Variants in GALNT17 observed in about 807,000 individuals in gnomAD.
GALNT17 encodes the protein UDP-GalNAc:polypeptide N-acetylgalactosaminyltransferase-like 3.
Under a neutral mutation model 63.7 loss-of-function variants are expected in GALNT17, and 29 were observed. That is an observed-to-expected ratio of 0.46 (90% CI 0.34 to 0.62). The LOEUF (loss-of-function observed/expected upper bound fraction) is 0.62. GALNT17 is among the 20% of genes least tolerant of loss of function. GALNT17 has a pLI of 0.01. For missense variants in GALNT17, 603 were observed against 799.6 expected, an observed-to-expected ratio of 0.75 and a Z score of 2.97; for synonymous variants, 305 against 318.3, an observed-to-expected ratio of 0.96 and a Z score of 0.45.
chr7:71,424,585 T>G (rs1020113660), intron 5 of GALNT17, among the ~76,000 whole-genome samples: 4 of 152,260 alleles, frequency 2.6e-5, no homozygotes, highest in Non-Finnish European at 5.9e-5. Context: ...GTCATTAATG[T>G]GACATGCATC....
chr7:71,360,921 G>C (rs1792388333), intron 2 of GALNT17, among the ~76,000 whole-genome samples: 1 of 152,190 alleles, frequency 6.6e-6, no homozygotes, highest in African/African-American at 2.4e-5. Flanking sequence ...GTGGGTGACA[G>C]AACAAGACGC....
intron 5 of GALNT17, among the ~76,000 whole-genome samples, chr7:71,529,380 G>A (rs182523069): frequency 1.9e-4 from 29 of 152,154 alleles, no homozygotes; most frequent in African/African-American, 5.8e-4. Context: ...AGAAAATTTG[G>A]CCCGATGGGC....
intron 2 of GALNT17, among the ~76,000 whole-genome samples, chr7:71,368,108 G>A (rs1463960207): frequency 6.6e-6 from 1 of 152,252 alleles, no homozygotes; most frequent in East Asian, 1.9e-4. Context: ...GGGGAGGATT[G>A]TGATCTGGGG....
intron 5 of GALNT17, among the ~76,000 whole-genome samples, chr7:71,570,680 C>T (rs1725735592): frequency 6.6e-6 from 1 of 152,070 alleles, no homozygotes. Flanking sequence ...GCTTTTGAAG[C>T]TAAAAGACAG....
Position 71,710,849 on chromosome 7 carries a change from A to T in GALNT17, c.1589A>T (p.Asn530Ile), listed in dbSNP as rs764378408. Residue 530 changes from asparagine (N) to isoleucine (I), a missense_variant, in exon 10 of 11, where the codon AAC (asparagine) becomes ATC (isoleucine). Around this residue, in one of 3 missense-constraint regions of GALNT17, gnomAD observed 336 missense variants for 507.8 expected, o/e 0.66. Coordinates refer to ENST00000333538, the MANE Select transcript of GALNT17 (RefSeq NM_022479.3). Reference protein sequence around the residue: ...LLPDTRCLVDNSKSRLPQLLD... With the variant: ...LLPDTRCLVDISKSRLPQLLD... ...CCTGACACCCGCTGCCTGGTGGACA[A>T]CTCCAAGAGTCGGCTGCCCCAGCTC... is the stretch of plus-strand genomic sequence containing the variant. The T allele has an allele frequency of 6.2e-7, 1 of 1,613,672 alleles. No individual in the cohort carries two copies. Among genetic ancestry groups the T allele is most frequent in the Admixed American group, 1.7e-5 (1 of 59,978 alleles).
At chr7:71,320,035 G>A (rs915719303) in intron 1 of GALNT17, among the ~76,000 whole-genome samples, 3 of 152,244 alleles carry the variant, frequency 2.0e-5, no homozygotes, top group African/African-American at 7.2e-5. Flanking sequence ...AGCAAGTCTC[G>A]TGGCCAAGCT....
chr7:71,466,593 A>AC (rs1305569770), intron 5 of GALNT17, among the ~76,000 whole-genome samples: 2 of 152,086 alleles, frequency 1.3e-5, no homozygotes, highest in African/African-American at 4.8e-5. Context: ...GGAGAGTCTG[A>AC]CACTTTTTGT....
rs772898440 is a variant in GALNT17, at chr7:71,677,314, C to A, written c.1500+8C>A. The A allele has an allele frequency of 1.9e-6, 3 of 1,612,716 alleles. No homozygotes were observed. The highest frequency in any genetic ancestry group is 2.5e-6 in the Non-Finnish European group (3 of 1,179,194). Reference sequence around the variant, plus strand: ...CATGGCTGGGGACCACAGGTAGGAGCTCGTCTCTGACCAGGAAGGAAGTAA... The same window carrying A: ...CATGGCTGGGGACCACAGGTAGGAGATCGTCTCTGACCAGGAAGGAAGTAA... On this transcript the variant is annotated splice_region_variant and intron_variant, in intron 9 of 10. Transcript: ENST00000333538.
At chr7:71,252,107 A>G (rs1362348376) in intron 1 of GALNT17, among the ~76,000 whole-genome samples, 1 of 151,828 alleles carries the variant, frequency 6.6e-6, no homozygotes, top group Non-Finnish European at 1.5e-5. Context: ...CCACCAGGGC[A>G]TGTGTTTATT....
intron 1 of GALNT17, among the ~76,000 whole-genome samples, chr7:71,143,187 C>T (rs1213565962): frequency 2.0e-5 from 3 of 151,124 alleles, no homozygotes; most frequent in African/African-American, 2.4e-5. Flanking sequence ...TTTGGGAGGC[C>T]GAGGTGGGTG....
At chr7:71,705,877 G>A (rs1430955566) in intron 9 of GALNT17, among the ~76,000 whole-genome samples, 1 of 152,154 alleles carries the variant, frequency 6.6e-6, no homozygotes, top group Non-Finnish European at 1.5e-5. Flanking sequence ...TTAGAGGCAG[G>A]AAAGCCTACT....
intron 1 of GALNT17, among the ~76,000 whole-genome samples, chr7:71,188,539 T>C (rs1455254516): frequency 2.6e-5 from 4 of 152,182 alleles, no homozygotes; most frequent in Admixed American, 6.5e-5. Context: ...CTTTTGAGAA[T>C]TGCCTATTCA....
At chr7:71,489,280 G>A (rs879623350) in intron 5 of GALNT17, among the ~76,000 whole-genome samples, 5 of 152,036 alleles carry the variant, frequency 3.3e-5, no homozygotes, top group East Asian at 1.9e-4. Flanking sequence ...TGGGTCAGCC[G>A]GACACCTACA....
intron 5 of GALNT17, among the ~76,000 whole-genome samples, chr7:71,545,426 C>CA (rs1268712093): frequency 6.6e-6 from 1 of 152,180 alleles, no homozygotes; most frequent in Non-Finnish European, 1.5e-5. Context: ...GATCTTGGCT[C>CA]ACTGCAACCT....
chr7:71,191,027 G>C (rs957363547), intron 1 of GALNT17, among the ~76,000 whole-genome samples: 2 of 152,044 alleles, frequency 1.3e-5, no homozygotes, highest in Non-Finnish European at 2.9e-5. Flanking sequence ...TGTGTTTCTT[G>C]GAATTTTTTT....
intron 1 of GALNT17, among the ~76,000 whole-genome samples, chr7:71,262,862 G>C (rs533498448): frequency 6.6e-6 from 1 of 151,408 alleles, no homozygotes; most frequent in Non-Finnish European, 1.5e-5. Flanking sequence ...TGTTTGTTTT[G>C]TAGAGATAGG....
chr7:71,234,262 A>C (rs185726582), intron 1 of GALNT17, among the ~76,000 whole-genome samples: 2 of 151,916 alleles, frequency 1.3e-5, no homozygotes, highest in Admixed American at 1.3e-4. Flanking sequence ...TTAATTTTAT[A>C]AGTTTATTTA....
chr7:71,241,439 G>T (rs1056704688), intron 1 of GALNT17, among the ~76,000 whole-genome samples: 1 of 152,148 alleles, frequency 6.6e-6, no homozygotes, highest in Non-Finnish European at 1.5e-5. Flanking sequence ...CATTGTGGTC[G>T]CCTGGAGGTG....
intron 10 of GALNT17, among the ~76,000 whole-genome samples, chr7:71,711,689 ATCTTCTCTCTTCTC>A (rs72492803): frequency 8.9e-6 from 1 of 112,110 alleles, no homozygotes; most frequent in South Asian, 2.8e-4. Flanking sequence ...TCTCCTCTCT[ATCTTCTCTCTTCTC>A]TCTTCTCTCT....
Sources: gnomAD v4.1 joint callset for allele counts (sites outside exome capture counted in the v4.1 genomes callset) on GRCh38, gnomAD v4.1.1 for gene constraint, gnomAD v4.1.1 regional missense constraint, MANE v1.5 for transcripts, NCBI Gene and HGNC (gene_info 2026-07-23, HGNC 2026-07-21) for gene names.